DBX2: variants seen among roughly 807,000 people sequenced by gnomAD.
DBX2 encodes developing brain homeobox 2, also known as homeobox protein DBX2.
Under a neutral mutation model 17.7 loss-of-function variants are expected in DBX2, and 16 were observed. The ratio of observed to expected loss-of-function variants is 0.90; its 90% CI spans 0.61 to 1.37. The LOEUF (loss-of-function observed/expected upper bound fraction) is 1.37. DBX2 is among the 40% of genes most tolerant of loss of function. The pLI is 0.00. For missense variants in DBX2, 538 were observed against 433.8 expected, an observed-to-expected ratio of 1.24 and a Z score of -2.13; for synonymous variants, 255 against 183.8, an observed-to-expected ratio of 1.39 and a Z score of -3.13.
rs1946531375 is a variant in DBX2, at chr12:45,051,011, C to A, written c.-84G>T. 7.6e-7 allele frequency: 1 copy of A among 1,307,336 alleles called. No homozygotes were observed. Among genetic ancestry groups the A allele is most frequent in the African/African-American group, 1.6e-5 (1 of 64,190 alleles). 81.0% of individuals were successfully genotyped at this position (1,307,336 alleles called of 1,614,324 possible). ...CCCCGCACCGCACCCAGAGCCGCAG[C>A]TTCTCGCCGCCGCCTCCCGCAGGGC... is the stretch of plus-strand genomic sequence containing the variant. On this transcript the variant is annotated 5_prime_UTR_variant, in exon 1 of 4. Transcript: ENST00000332700.
At chr12:45,035,967 G>C in intron 2 of DBX2, 52 bp downstream of exon 2, 1 of 1,534,380 alleles carries the variant, frequency 6.5e-7, no homozygotes, top group Non-Finnish European at 8.9e-7. Context: ...AAATCCTGCA[G>C]CTTTGGTTTA....
At chr12:45,032,141 G>A (rs1467018039) in intron 2 of DBX2, among the ~76,000 whole-genome samples, 1 of 151,836 alleles carries the variant, frequency 6.6e-6, no homozygotes, top group Non-Finnish European at 1.5e-5. Flanking sequence ...AAAATCTATT[G>A]TCTTTGAGTC....
intron 2 of DBX2, among the ~76,000 whole-genome samples, chr12:45,031,225 T>TGTGAGAGAGAGAGA (rs1377897653): frequency 3.3e-4 from 28 of 85,654 alleles, no homozygotes; most frequent in South Asian, 1.2e-3. Context: ...TGTGTGTGTG[T>TGTGAGAGAGAGAGA]GAGAGAGAGA....
chr12:45,033,072 T>G (rs1443342928), intron 2 of DBX2, among the ~76,000 whole-genome samples: 2 of 152,202 alleles, frequency 1.3e-5, no homozygotes, highest in African/African-American at 4.8e-5. Flanking sequence ...AATAGCCTAT[T>G]AAACTATTTA....
chr12:45,023,061 T>C (rs1287431767), intron 3 of DBX2, among the ~76,000 whole-genome samples: 2 of 152,236 alleles, frequency 1.3e-5, no homozygotes. Flanking sequence ...TGCCTTATGA[T>C]ATTATTTGTA....
chr12:45,041,382 C>T (rs1946470505), intron 1 of DBX2, among the ~76,000 whole-genome samples: 1 of 151,892 alleles, frequency 6.6e-6, no homozygotes, highest in Non-Finnish European at 1.5e-5. Context: ...GTGGAGGGCA[C>T]CCAAAACAAG....
At chr12:45,029,629 C>T (rs1946398163) in intron 2 of DBX2, among the ~76,000 whole-genome samples, 1 of 152,004 alleles carries the variant, frequency 6.6e-6, no homozygotes, top group African/African-American at 2.4e-5. Context: ...CTTTGGGAGG[C>T]GGAGGTGGGC....
At chr12:45,030,243 C>T (rs1312237611) in intron 2 of DBX2, among the ~76,000 whole-genome samples, 1 of 80,300 alleles carries the variant, frequency 1.2e-5, no homozygotes, top group Non-Finnish European at 4.2e-5. Context: ...CAAGCACTAC[C>T]AAACAAAGAC....
intron 2 of DBX2, among the ~76,000 whole-genome samples, chr12:45,031,473 T>C (rs1382657177): frequency 6.6e-6 from 1 of 152,096 alleles, no homozygotes; most frequent in Admixed American, 6.5e-5. Context: ...TTGGTCCCAA[T>C]TCTACACTTT....
chr12:45,021,947 T>G (rs182949850), intron 3 of DBX2, among the ~76,000 whole-genome samples: 1 of 140,572 alleles, frequency 7.1e-6, no homozygotes, highest in African/African-American at 2.6e-5. Context: ...TCTTATTCAG[T>G]ATTTATCAAT....
chr12:45,048,716 A>T (rs1430123022), intron 1 of DBX2, among the ~76,000 whole-genome samples: 1 of 152,202 alleles, frequency 6.6e-6, no homozygotes, highest in Non-Finnish European at 1.5e-5. Flanking sequence ...ATATTTTTCT[A>T]GTTTCAGAAA....
intron 2 of DBX2, among the ~76,000 whole-genome samples, chr12:45,029,219 C>T (rs2137023257): frequency 6.6e-6 from 1 of 152,240 alleles, no homozygotes; most frequent in African/African-American, 2.4e-5. Flanking sequence ...AGAAATGAGG[C>T]TTTAAAAGCT....
Position 45,016,471 on chromosome 12 carries a change from T to C in DBX2, c.835A>G (p.Ile279Val), listed in dbSNP as rs146666533. 1.7e-4 allele frequency: 273 copies of C among 1,613,796 alleles called. 1 individual carries two copies. In the Middle Eastern group the frequency reaches 2.1e-3, roughly 13 times the overall value. ...ALGFPSPCPSIWDVPQQHSSP... is the reference protein window; with the variant it reads ...ALGFPSPCPSVWDVPQQHSSP... ...GAGTGCTGTTGGGGGACGTCCCATA[T>C]TGAAGGACATGGAGAAGGGAAACCC... The change falls in exon 4 of 4, where the codon ATA becomes GTA. Residue 279 changes from isoleucine (I) to valine (V), a missense_variant. Ile to Val is a conservative substitution (Grantham distance 29). Coordinates refer to ENST00000332700, the MANE Select transcript of DBX2 (RefSeq NM_001004329.3).
intron 1 of DBX2, 140 bp downstream of exon 1, chr12:45,050,385 A>T: frequency 8.2e-7 from 1 of 1,223,608 alleles, no homozygotes; most frequent in Non-Finnish European, 1.1e-6. Flanking sequence ...TGGCATCTCC[A>T]CTAAAGCTCG....
chr12:45,037,626 T>A (rs944416011), intron 1 of DBX2, among the ~76,000 whole-genome samples: 2 of 152,170 alleles, frequency 1.3e-5, no homozygotes, highest in African/African-American at 2.4e-5. Context: ...TGTTTCCATA[T>A]GACTACATAC....
chr12:45,016,339 A>C lies in DBX2; in HGVS notation c.967T>G (p.Leu323Val), dbSNP rs1224193429. Residue 323 changes from leucine (L) to valine (V), a missense_variant, in exon 4 of 4, where the codon TTA becomes GTA. By Grantham distance (32) the Leu-to-Val change is conservative. Coordinates refer to ENST00000332700, the MANE Select transcript of DBX2 (RefSeq NM_001004329.3). Reference sequence around the variant, plus strand: ...CTTCCAGCTTCTTCTTCAGAACATAAATATAAGGCACCTTGCAGTGAATTT... The same window carrying C: ...CTTCCAGCTTCTTCTTCAGAACATACATATAAGGCACCTTGCAGTGAATTT... ...EANSLQGALYLCSEEEAGSKG... is the reference protein window; with the variant it reads ...EANSLQGALYVCSEEEAGSKG... 1 of 1,607,318 alleles carries C rather than the reference A, an allele frequency of 6.2e-7. No individual in the cohort carries two copies. The highest frequency in any genetic ancestry group is 2.2e-5 in the East Asian group (1 of 44,816).
At chr12:45,044,648 TTTTCC>T (rs1344662505) in intron 1 of DBX2, among the ~76,000 whole-genome samples, 6 of 152,166 alleles carry the variant, frequency 3.9e-5, no homozygotes, top group Admixed American at 3.9e-4. Context: ...AACCTTTTTG[TTTTCC>T]TTTCCTTTTC....
At chr12:45,035,464 A>G (rs1384991954) in intron 2 of DBX2, among the ~76,000 whole-genome samples, 1 of 152,018 alleles carries the variant, frequency 6.6e-6, no homozygotes, top group Non-Finnish European at 1.5e-5. Flanking sequence ...CCACCCCCAG[A>G]CTCTACTAAA....
chr12:45,028,014 C>G (rs904427592), intron 2 of DBX2, among the ~76,000 whole-genome samples: 5 of 152,174 alleles, frequency 3.3e-5, no homozygotes, highest in Admixed American at 6.5e-5. Context: ...CAAAGTAGGT[C>G]CAAGAGAGAG....
Sources: allele counts gnomAD v4.1 joint callset (sites outside exome capture counted in the v4.1 genomes callset), GRCh38; gene constraint gnomAD v4.1.1; transcripts MANE v1.5; gene names NCBI Gene and HGNC (gene_info 2026-07-23, HGNC 2026-07-21).